The following SCFD2 variants were observed in gnomAD, a reference collection of about 807,000 sequenced individuals.
The protein encoded by SCFD2 is sec1 family domain containing 2.
In SCFD2, 54 loss-of-function variants were observed where a neutral mutation model predicts 58.9. That is an observed-to-expected ratio of 0.92 (90% confidence interval 0.74 to 1.15). The LOEUF (loss-of-function observed/expected upper bound fraction) is 1.15. Among genes scored for constraint, SCFD2 ranks in the 50% most tolerant of loss-of-function variants. The pLI, the probability that SCFD2 is intolerant of heterozygous loss-of-function variation, is 0.00. For missense variants in SCFD2, 805 were observed against 836.6 expected (o/e 0.96, Z 0.47); for synonymous variants, 321 against 335.9 (o/e 0.96, Z 0.49).
At chr4:53,047,482 AT>A (rs556081628) in intron 5 of SCFD2, among the ~76,000 whole-genome samples, 11 of 151,986 alleles carry the variant, frequency 7.2e-5, no homozygotes, top group Non-Finnish European at 1.6e-4. Flanking sequence ...AAGCCCCACA[AT>A]TATCTTCCAA....
chr4:53,163,162 G>A (rs1299952596), intron 4 of SCFD2, among the ~76,000 whole-genome samples: 1 of 152,206 alleles, frequency 6.6e-6, no homozygotes, highest in Non-Finnish European at 1.5e-5. Flanking sequence ...AGCTCTGCAG[G>A]TTAGACCAGC....
At chr4:53,344,705 C>G (rs1734001571) in intron 2 of SCFD2, among the ~76,000 whole-genome samples, 1 of 152,160 alleles carries the variant, frequency 6.6e-6, no homozygotes, top group African/African-American at 2.4e-5. Context: ...AACTATACTA[C>G]AAAGCTAGAG....
At chr4:53,251,038 T>C (rs1253031868) in intron 4 of SCFD2, among the ~76,000 whole-genome samples, 1 of 152,054 alleles carries the variant, frequency 6.6e-6, no homozygotes, top group Non-Finnish European at 1.5e-5. Flanking sequence ...CAATAAAAAA[T>C]GACAATGGGG....
rs1244399161 is a variant in SCFD2, at chr4:52,920,851, A to G, written c.1581T>C (p.Asn527=). 3 of 1,611,060 alleles carry G rather than the reference A, an allele frequency of 1.9e-6. No individual in the cohort carries two copies. Among genetic ancestry groups the G allele is most frequent in the Non-Finnish European group, 2.5e-6 (3 of 1,178,310 alleles). ...QKITDWDSSI[N]LTFHKSKIAV... The stretch of plus-strand genomic sequence containing the variant: ...CAATTTTGGATTTGTGAAATGTCAG[A>G]TTAATTGAAGAGTCCCAGTCTGAAA... The change falls in exon 6 of 9, where the codon AAT becomes AAC. Residue 527 remains asparagine, a synonymous_variant. Coordinates refer to ENST00000401642, the MANE Select transcript of SCFD2 (RefSeq NM_152540.4).
At chr4:53,123,988 G>A (rs1423769362) in intron 5 of SCFD2, among the ~76,000 whole-genome samples, 1 of 152,194 alleles carries the variant, frequency 6.6e-6, no homozygotes, top group African/African-American at 2.4e-5. Context: ...GGTAACAACA[G>A]TCCCATACTA....
intron 5 of SCFD2, among the ~76,000 whole-genome samples, chr4:53,139,969 G>A (rs541581350): frequency 3.5e-4 from 54 of 152,140 alleles, no homozygotes; most frequent in East Asian, 3.5e-3. Context: ...ATTAAGGGCG[G>A]TGCAAGATGT....
intron 5 of SCFD2, among the ~76,000 whole-genome samples, chr4:53,132,877 A>G (rs557862692): frequency 5.9e-5 from 9 of 152,336 alleles, no homozygotes; most frequent in African/African-American, 1.9e-4. Context: ...CTGTCTTTCA[A>G]CTGGAATACT....
chr4:53,255,720 C>A (rs1480688517), intron 4 of SCFD2, among the ~76,000 whole-genome samples: 2 of 152,210 alleles, frequency 1.3e-5, no homozygotes, highest in South Asian at 4.1e-4. Flanking sequence ...TCTCAATGAG[C>A]TGTTGGCTAC....
chr4:53,055,808 T>C (rs1723320829), intron 5 of SCFD2, among the ~76,000 whole-genome samples: 1 of 152,100 alleles, frequency 6.6e-6, no homozygotes, highest in Non-Finnish European at 1.5e-5. Context: ...GTATATTTAG[T>C]GTGGCTTCCT....
intron 2 of SCFD2, among the ~76,000 whole-genome samples, chr4:53,343,537 G>A (rs1733954268): frequency 6.6e-6 from 1 of 152,116 alleles, no homozygotes; most frequent in Non-Finnish European, 1.5e-5. Flanking sequence ...AGGAGGAGCT[G>A]GTACCATTCC....
At chr4:52,976,957 A>G (rs902024298) in intron 5 of SCFD2, among the ~76,000 whole-genome samples, 18 of 152,176 alleles carry the variant, frequency 1.2e-4, no homozygotes, top group African/African-American at 4.3e-4. Context: ...GGACAATAAT[A>G]GCACTTACTT....
At chr4:52,875,802 CTATATATATATATATATATATATATATA>C (rs3052566) in intron 8 of SCFD2, among the ~76,000 whole-genome samples, 9,867 of 61,406 alleles carry the variant, frequency 0.16, 936 homozygotes, top group East Asian at 0.39. Context: ...TTATCTTTAA[CTATATATATATATATATATATATATATA>C]TATATATATA....
chr4:53,260,470 C>T (rs1730797274), intron 4 of SCFD2, among the ~76,000 whole-genome samples: 1 of 152,170 alleles, frequency 6.6e-6, no homozygotes, highest in Non-Finnish European at 1.5e-5. Context: ...GCTTTTTCTG[C>T]ATCTACTGAG....
chr4:53,063,297 T>C (rs1723566994), intron 5 of SCFD2, among the ~76,000 whole-genome samples: 1 of 152,148 alleles, frequency 6.6e-6, no homozygotes, highest in African/African-American at 2.4e-5. Flanking sequence ...ATCTTTATAT[T>C]AGAAGTTTTA....
intron 5 of SCFD2, among the ~76,000 whole-genome samples, chr4:53,052,766 C>A (rs1723219170): frequency 6.6e-6 from 1 of 152,178 alleles, no homozygotes; most frequent in Non-Finnish European, 1.5e-5. Flanking sequence ...AAATTAGTTA[C>A]AAGTGACCCT....
chr4:53,153,562 G>A (rs1206736989), intron 4 of SCFD2, among the ~76,000 whole-genome samples: 1 of 152,162 alleles, frequency 6.6e-6, no homozygotes, highest in Non-Finnish European at 1.5e-5. Context: ...GGGCTGCAAA[G>A]GAGATTTCTG....
At chr4:53,362,865 T>C (rs1734584976) in intron 1 of SCFD2, among the ~76,000 whole-genome samples, 1 of 152,114 alleles carries the variant, frequency 6.6e-6, no homozygotes, top group Admixed American at 6.5e-5. Flanking sequence ...GGTGAAAAAG[T>C]TGGCGTTAGT....
chr4:53,255,788 G>C (rs1338914774), intron 4 of SCFD2, among the ~76,000 whole-genome samples: 1 of 151,416 alleles, frequency 6.6e-6, no homozygotes, highest in Non-Finnish European at 1.5e-5. Flanking sequence ...AGTAGGGGCG[G>C]CCGGGCAGAG....
At chr4:53,094,424 T>C (rs1231994495) in intron 5 of SCFD2, among the ~76,000 whole-genome samples, 1 of 152,098 alleles carries the variant, frequency 6.6e-6, no homozygotes, top group Non-Finnish European at 1.5e-5. Flanking sequence ...CCTCTGTGTA[T>C]ATCTGTGCCC....
Sources: gnomAD v4.1 joint callset for allele counts (sites outside exome capture counted in the v4.1 genomes callset) on GRCh38, gnomAD v4.1.1 for gene constraint, MANE v1.5 for transcripts, NCBI Gene and HGNC (gene_info 2026-07-23, HGNC 2026-07-21) for gene names.